ADAM7: variants seen among roughly 807,000 people sequenced by gnomAD.
ADAM7 encodes the protein disintegrin and metalloproteinase domain-containing protein 7.
In ADAM7, 97 loss-of-function variants were observed where a neutral mutation model predicts 102.9. That is an observed-to-expected ratio of 0.94 (90% confidence interval 0.80 to 1.12). The LOEUF (loss-of-function observed/expected upper bound fraction) is 1.12. Among genes scored for constraint, ADAM7 ranks in the 50% most tolerant of loss-of-function variants. The probability of loss-of-function intolerance (pLI) is 0.00; values close to 1 mark genes in which losing one functional copy is unlikely to be tolerated. For missense variants in ADAM7, 991 were observed against 908.7 expected (o/e 1.09, Z -1.16); for synonymous variants, 334 against 304.4 (o/e 1.10, Z -1.01).
At chr8:24,503,866 A>G (rs115828269) in intron 20 of ADAM7, among the ~76,000 whole-genome samples, 3,213 of 151,926 alleles carry the variant, frequency 0.021, 118 homozygotes, top group African/African-American at 0.074. Context: ...TCACACACTG[A>G]GGCCTGTCGG....
At chr8:24,481,101 A>G (rs1231584371) in intron 8 of ADAM7, among the ~76,000 whole-genome samples, 6 of 151,890 alleles carry the variant, frequency 4.0e-5, no homozygotes, top group Non-Finnish European at 7.4e-5. Context: ...CAAACAATTC[A>G]GGGCCAAGAG....
At chr8:24,475,893 A>C (rs984494952) in intron 7 of ADAM7, 2 of 456,282 alleles carry the variant, frequency 4.4e-6, no homozygotes, top group African/African-American at 4.0e-5. Context: ...TAGACTGGAC[A>C]TGAAAAGTCT....
At chr8:24,505,234 G>A (rs1027120388) in intron 20 of ADAM7, among the ~76,000 whole-genome samples, 7 of 152,090 alleles carry the variant, frequency 4.6e-5, no homozygotes, top group Non-Finnish European at 4.4e-5. Context: ...GGAAAGGTAG[G>A]CTGAGTACTG....
At chr8:24,508,456 C>T in intron 21 of ADAM7, 90 bp from the exon 22 acceptor site, 1 of 1,322,118 alleles carries the variant, frequency 7.6e-7, no homozygotes, top group Admixed American at 1.7e-5. Flanking sequence ...AAAGGTTATT[C>T]TAATTAGTAG....
chr8:24,447,207 T>C lies in ADAM7; in HGVS notation c.178T>C (p.Leu60=). ...TTAGAAAACGTATGAAGAAGAATTG[T>C]TGTATGAAATAAAACTAAATAGAAA... ...DILKTYEEEL[L]YEIKLNRKTL... is the part of the protein sequence containing the mutation. The change falls in exon 3 of 22, where the codon TTG becomes CTG. Residue 60 remains leucine, a synonymous_variant. Transcript: ENST00000175238. The C allele has an allele frequency of 6.4e-7, 1 of 1,553,912 alleles. No homozygotes were observed. Among genetic ancestry groups the C allele is most frequent in the Non-Finnish European group, 8.8e-7 (1 of 1,138,596 alleles).
rs1202480125 is a variant in ADAM7 at position 24,507,427 on chromosome 8, A to G, written c.2209-53A>G. 4 of 1,446,992 alleles carry G rather than the reference A, an allele frequency of 2.8e-6. No individual in the cohort carries two copies. The African/African-American group carries it at 5.6e-5, about 20-fold the overall frequency. The allele number at this position is 1,446,992 out of a possible 1,614,324, so 89.6% of individuals were successfully genotyped here. A position where few individuals can be genotyped will look rare whatever the true frequency, so the allele number is the denominator to read the frequency against. ...CATGCATGTCTGTGTGTGGATGCCC[A>G]TGCGTGTAACATCTGATGTGGCACA... On this transcript the variant is annotated intron_variant, in intron 20 of 21. Transcript: ENST00000175238.
At chr8:24,461,732 T>G (rs1448769643) in intron 3 of ADAM7, among the ~76,000 whole-genome samples, 1 of 152,162 alleles carries the variant, frequency 6.6e-6, no homozygotes. Context: ...AATCTCTCAT[T>G]GAGTTTGTCA....
chr8:24,478,517 A>G (rs1819843873), intron 8 of ADAM7, among the ~76,000 whole-genome samples: 1 of 152,142 alleles, frequency 6.6e-6, no homozygotes, highest in Non-Finnish European at 1.5e-5. Flanking sequence ...TTCATAACCT[A>G]AATATACTAG....
chr8:24,486,023 T>C (rs1820132969), intron 10 of ADAM7, among the ~76,000 whole-genome samples: 1 of 152,196 alleles, frequency 6.6e-6, no homozygotes, highest in African/African-American at 2.4e-5. Context: ...TATTATATAG[T>C]TATTTTGTGT....
chr8:24,447,994 C>T (rs1441097816), intron 3 of ADAM7, among the ~76,000 whole-genome samples: 1 of 147,558 alleles, frequency 6.8e-6, no homozygotes, highest in Non-Finnish European at 1.5e-5. Flanking sequence ...AATCCCAAAC[C>T]CTCCCTCTAT....
rs750968410 is a variant in ADAM7 at position 24,447,194 on chromosome 8, TGAA to T, written c.172_174del (p.Glu58del). 227 of 1,541,698 alleles carry T rather than the reference TGAA, an allele frequency of 1.5e-4. 5 individuals carry two copies. The East Asian group carries it at 2.5e-3, about 17-fold the overall frequency. ...TGCCTCTTCTTTTTTAGAAAACGTA[TGAA>T]GAAGAATTGTTGTATGAAATAAAAC... On this transcript the variant is annotated inframe_deletion, in exon 3 of 22. Coordinates refer to ENST00000175238, the MANE Select transcript of ADAM7 (RefSeq NM_003817.4).
intron 3 of ADAM7, 128 bp from the exon 4 acceptor site, chr8:24,463,754 A>G (rs1819330617): frequency 2.9e-6 from 2 of 693,582 alleles, no homozygotes; most frequent in East Asian, 5.5e-5. Flanking sequence ...TTGCTTTACT[A>G]TTTCTAGCGG....
chr8:24,441,984 G>A (rs1362088886), intron 1 of ADAM7, among the ~76,000 whole-genome samples: 1 of 152,082 alleles, frequency 6.6e-6, no homozygotes, highest in East Asian at 1.9e-4. Context: ...GACTAGCCTG[G>A]CCAACATGGT....
At chr8:24,463,807 C>T (rs1381574105) in intron 3 of ADAM7, 75 bp from the exon 4 acceptor site, 3 of 1,256,138 alleles carry the variant, frequency 2.4e-6, no homozygotes, top group Non-Finnish European at 3.4e-6. Context: ...GGACACTTCT[C>T]CATCACATTA....
At chr8:24,478,974 C>T (rs1399659411) in intron 8 of ADAM7, among the ~76,000 whole-genome samples, 1 of 152,152 alleles carries the variant, frequency 6.6e-6, no homozygotes, top group African/African-American at 2.4e-5. Flanking sequence ...GCACTATCAA[C>T]TGCATATTCA....
At chr8:24,490,638 A>T in intron 12 of ADAM7, 161 bp from the exon 13 acceptor site, 1 of 644,448 alleles carries the variant, frequency 1.6e-6, no homozygotes, top group East Asian at 2.8e-5. Context: ...AAAGTCCCAA[A>T]TACCCGTTCT....
intron 16 of ADAM7, 83 bp from the exon 17 acceptor site, chr8:24,499,153 G>GC: frequency 1.0e-6 from 1 of 974,702 alleles, no homozygotes; most frequent in Non-Finnish European, 1.5e-6. Context: ...GCAAAATTGT[G>GC]CACTTCACAT....
chr8:24,450,130 C>T (rs368855434), intron 3 of ADAM7, among the ~76,000 whole-genome samples: 10 of 152,096 alleles, frequency 6.6e-5, no homozygotes, highest in Non-Finnish European at 1.2e-4. Flanking sequence ...CTTGGCGATG[C>T]GGGCTCTTTT....
chr8:24,465,793 T>G lies in ADAM7; in HGVS notation c.389+18T>G. 1 of 1,558,222 alleles carries G rather than the reference T, an allele frequency of 6.4e-7. No homozygotes were observed. On this transcript the variant is annotated intron_variant, in intron 5 of 21. Transcript: ENST00000175238. ...GGTCTAAGGTAATGCAGAATATCTTTCTTTTTCCTTTATGAGTTTTCCTAT... is the reference window on the plus strand; with the variant it reads ...GGTCTAAGGTAATGCAGAATATCTTGCTTTTTCCTTTATGAGTTTTCCTAT...
Sources: allele counts gnomAD v4.1 joint callset (sites outside exome capture counted in the v4.1 genomes callset), GRCh38; gene constraint gnomAD v4.1.1; transcripts MANE v1.5; gene names NCBI Gene and HGNC (gene_info 2026-07-23, HGNC 2026-07-21).